PLAA: variants seen among roughly 807,000 people sequenced by gnomAD.
The protein encoded by PLAA is phospholipase A2 activating protein, also known as phospholipase A-2-activating protein.
PLAA carries 48 observed loss-of-function variants against 84.1 expected under a neutral mutation model. The observed-to-expected ratio is 0.57, with a 90% CI of 0.45 to 0.73. The LOEUF (loss-of-function observed/expected upper bound fraction) is 0.73. PLAA is among the 30% of genes least tolerant of loss of function. The probability of loss-of-function intolerance (pLI) is 0.00; values close to 1 mark genes in which losing one functional copy is unlikely to be tolerated. For synonymous variants in PLAA, 392 were observed against 336.6 expected (o/e 1.16, Z -1.80); for missense variants, 903 against 954.7 (o/e 0.95, Z 0.71).
chr9:26,918,829 A>G (rs925053725), intron 9 of PLAA, among the ~76,000 whole-genome samples: 1 of 152,160 alleles, frequency 6.6e-6, no homozygotes, highest in Non-Finnish European at 1.5e-5. Flanking sequence ...TGGTATGAGC[A>G]CCTAACTGCA....
Position 26,903,512 on chromosome 9 carries a change from G to T in PLAA, c.*1999C>A, listed in dbSNP as rs983337738. ...TACATACATAGTCACTATGCCACAA[G>T]ATGTTAAGAATAGTTTTCTCTAGAT... is the stretch of plus-strand genomic sequence containing the variant. On this transcript the variant is annotated 3_prime_UTR_variant, in exon 14 of 14. Coordinates refer to ENST00000397292, the MANE Select transcript of PLAA (RefSeq NM_001031689.3). Among the ~76,000 whole-genome samples, 2 of 152,102 alleles carry T rather than the reference G, an allele frequency of 1.3e-5. No homozygotes were observed.
At chr9:26,931,062 T>TA (rs1825168046) in intron 2 of PLAA, among the ~76,000 whole-genome samples, 1 of 147,996 alleles carries the variant, frequency 6.8e-6, no homozygotes, top group African/African-American at 2.5e-5. Flanking sequence ...CATTCTGTAA[T>TA]AAAGCAAGGA....
At position 26,923,309 on chromosome 9, in the gene PLAA, C is replaced by T. The variant is rs775373337; in HGVS notation, c.908G>A (p.Arg303Gln). The T allele has an allele frequency of 3.1e-6, 5 of 1,612,928 alleles. No homozygotes were observed. The highest frequency in any genetic ancestry group is 4.5e-5 in the East Asian group (2 of 44,854). The change falls in exon 7 of 14, where the codon CGA (arginine) becomes CAA (glutamine). Residue 303 changes from arginine (R) to glutamine (Q), a missense_variant. Transcript: ENST00000397292. ...CTTGATTTCTTCAGCACTTGCTGTT[C>T]GATCTTCTGATTCTGTAAACACTCT... ...IIRVFTESED[R>Q]TASAEEIKAF...
intron 9 of PLAA, 116 bp downstream of exon 9, chr9:26,919,194 C>T: frequency 1.7e-6 from 1 of 579,100 alleles, no homozygotes; most frequent in Non-Finnish European, 3.1e-6. Context: ...AAGTAAAACC[C>T]TGCTGTAGAT....
chr9:26,911,496 T>C (rs758993753), intron 11 of PLAA, among the ~76,000 whole-genome samples: 12 of 152,074 alleles, frequency 7.9e-5, no homozygotes, highest in Non-Finnish European at 1.0e-4. Flanking sequence ...ACCATGTTGG[T>C]TGGGCTGGTC....
At chr9:26,933,710 G>A (rs1016146592) in intron 2 of PLAA, among the ~76,000 whole-genome samples, 2 of 145,892 alleles carry the variant, frequency 1.4e-5, no homozygotes, top group Admixed American at 7.0e-5. Context: ...AATGGCGTGA[G>A]CCCGGGAGGC....
chr9:26,909,733 C>T (rs945728500), intron 12 of PLAA, among the ~76,000 whole-genome samples: 1 of 151,876 alleles, frequency 6.6e-6, no homozygotes, highest in African/African-American at 2.4e-5. Context: ...AAGTGATTCT[C>T]GTGCCTCAGC....
chr9:26,928,611 C>G (rs575225212), intron 2 of PLAA, among the ~76,000 whole-genome samples: 1 of 152,214 alleles, frequency 6.6e-6, no homozygotes, highest in Non-Finnish European at 1.5e-5. Context: ...CAAGGCCTAG[C>G]TGTGCCACTT....
At chr9:26,916,229 AC>A (rs555852164) in intron 10 of PLAA, 1 of 984,928 alleles carries the variant, frequency 1.0e-6, no homozygotes. Flanking sequence ...TTTATAGCTC[AC>A]AGTACCAGTC....
At chr9:26,939,808 A>G (rs1825474706) in intron 1 of PLAA, among the ~76,000 whole-genome samples, 1 of 152,138 alleles carries the variant, frequency 6.6e-6, no homozygotes, top group African/African-American at 2.4e-5. Context: ...GAGACAAAGA[A>G]GGATATTATA....
chr9:26,938,692 G>A (rs1388004160), intron 1 of PLAA, among the ~76,000 whole-genome samples: 2 of 151,470 alleles, frequency 1.3e-5, no homozygotes, highest in East Asian at 3.9e-4. Flanking sequence ...AAGAAATAAA[G>A]ATCTCAATAA....
At chr9:26,944,740 C>T (rs980768973) in intron 1 of PLAA, among the ~76,000 whole-genome samples, 4 of 152,222 alleles carry the variant, frequency 2.6e-5, no homozygotes, top group African/African-American at 4.8e-5. Context: ...AATCTTATCT[C>T]ACTACGCACT....
chr9:26,904,897 CAT>C lies in PLAA; in HGVS notation c.*612_*613del, dbSNP rs1283357728. The C allele has an allele frequency of 2.0e-5, 3 of 152,174 alleles. No homozygotes were observed. Among genetic ancestry groups the C allele is most frequent in the Admixed American group, 2.0e-4 (3 of 15,276 alleles). The allele number at this position is 152,174 out of a possible 1,614,324, so 9.4% of individuals were successfully genotyped here. On this transcript the variant is annotated 3_prime_UTR_variant, in exon 14 of 14. Transcript: ENST00000397292. ...GAGACCTCGTCTGTCTGAACTGATA[CAT>C]GACTAACACAGCTTACCAACTGGCT...
At chr9:26,912,298 G>C (rs1824423917) in intron 11 of PLAA, among the ~76,000 whole-genome samples, 1 of 152,226 alleles carries the variant, frequency 6.6e-6, no homozygotes, top group Non-Finnish European at 1.5e-5. Context: ...TCTGGAGGTA[G>C]AAAATACTAT....
chr9:26,926,959 T>C (rs1280669320), intron 4 of PLAA, among the ~76,000 whole-genome samples: 2 of 151,938 alleles, frequency 1.3e-5, no homozygotes, highest in Non-Finnish European at 2.9e-5. Flanking sequence ...AAACATTCTC[T>C]GAAGCTTGTG....
rs147521458 is a variant in PLAA, at chr9:26,934,386, A to T, written c.343+627T>A. Among the ~76,000 whole-genome samples the T allele has an allele frequency of 5.4e-4, 82 of 152,292 alleles. No homozygotes were observed. The East Asian group carries it at 6.2e-3, about 11-fold the overall frequency. On this transcript the variant is annotated intron_variant, in intron 2 of 13. Transcript: ENST00000397292. ...CAATTAAATACTTTTAGTTTTCTGA[A>T]TAAATGCATTCATTGCATGAAATAG...
At chr9:26,931,793 C>G (rs62544444) in intron 2 of PLAA, among the ~76,000 whole-genome samples, 31,919 of 151,974 alleles carry the variant, frequency 0.21, 3,915 homozygotes, top group African/African-American at 0.34. Context: ...TGTAATCCCA[C>G]CACTTTGGAA....
At chr9:26,931,191 T>A (rs1825171763) in intron 2 of PLAA, among the ~76,000 whole-genome samples, 1 of 152,042 alleles carries the variant, frequency 6.6e-6, no homozygotes. Flanking sequence ...AACAACTCCT[T>A]CTGCAAACCA....
Position 26,947,197 on chromosome 9 carries a change from G to A in PLAA, c.-152C>T, listed in dbSNP as rs1825763670. On this transcript the variant is annotated 5_prime_UTR_variant, in exon 1 of 14. Coordinates refer to ENST00000397292, the MANE Select transcript of PLAA (RefSeq NM_001031689.3). ...AGCCCGAGAGCCGGTACGGAAGGGC[G>A]GCTGGGAAGGGGCGCGCCGAGCGGG... 2.3e-6 allele frequency: 2 copies of A among 885,738 alleles called. No homozygotes were observed. The highest frequency in any genetic ancestry group is 3.2e-6 in the Non-Finnish European group (2 of 619,600). The allele number at this position is 885,738 out of a possible 1,614,324, so 54.9% of individuals were successfully genotyped here.
Sources: allele counts gnomAD v4.1 joint callset (sites outside exome capture counted in the v4.1 genomes callset), GRCh38; gene constraint gnomAD v4.1.1; transcripts MANE v1.5; gene names NCBI Gene and HGNC (gene_info 2026-07-23, HGNC 2026-07-21).